The following RIMS2 variants were observed in gnomAD, a reference collection of about 807,000 sequenced individuals.
RIMS2 encodes regulating synaptic membrane exocytosis 2, also known as regulating synaptic membrane exocytosis protein 2.
Under a neutral mutation model 174.4 loss-of-function variants are expected in RIMS2, and 59 were observed. The ratio of observed to expected loss-of-function variants is 0.34; its 90% CI spans 0.27 to 0.42. The LOEUF is 0.42. Among genes scored for constraint, RIMS2 ranks in the 10% least tolerant of loss-of-function variants. RIMS2 has a pLI of 1.00. For synonymous variants in RIMS2, 606 were observed against 572.5 expected, an observed-to-expected ratio of 1.06 and a Z score of -0.84; for missense variants, 1,620 against 1,666.3, an observed-to-expected ratio of 0.97 and a Z score of 0.48.
At chr8:103,513,802 C>T (rs1827717041) in intron 1 of RIMS2, among the ~76,000 whole-genome samples, 1 of 151,978 alleles carries the variant, frequency 6.6e-6, no homozygotes, top group African/African-American at 2.4e-5. Flanking sequence ...TTATCACCAG[C>T]TATTTAAAAT....
At chr8:103,885,727 T>C (rs549651339) in exon 4 of RIMS2, 1 of 1,613,028 alleles carries the variant, frequency 6.2e-7, no homozygotes, top group Admixed American at 1.7e-5. Context: ...TGGCAAATGC[T>C]GATCTGGAAG....
intron 1 of RIMS2, among the ~76,000 whole-genome samples, chr8:103,513,549 T>C (rs547964577): frequency 6.6e-6 from 1 of 152,318 alleles, no homozygotes; most frequent in South Asian, 2.1e-4. Flanking sequence ...AACATATGAA[T>C]ATTTACAAAA....
chr8:103,600,103 C>T (rs1486943530), intron 1 of RIMS2, among the ~76,000 whole-genome samples: 3 of 151,996 alleles, frequency 2.0e-5, no homozygotes, highest in Non-Finnish European at 2.9e-5. Flanking sequence ...CAAATTTTTA[C>T]TTCCCACAAA....
At chr8:103,522,512 A>G (rs887111989) in intron 1 of RIMS2, among the ~76,000 whole-genome samples, 9 of 152,110 alleles carry the variant, frequency 5.9e-5, no homozygotes, top group Non-Finnish European at 8.8e-5. Flanking sequence ...AAGTTTGATA[A>G]CAATGAAGCC....
intron 1 of RIMS2, chr8:103,652,671 A>T: frequency 7.4e-7 from 1 of 1,350,860 alleles, no homozygotes; most frequent in Non-Finnish European, 9.8e-7. Flanking sequence ...AACGTTCTTC[A>T]GCCCCAGCAA....
chr8:104,050,830 C>T (rs1026404552), intron 19 of RIMS2, among the ~76,000 whole-genome samples: 1 of 152,080 alleles, frequency 6.6e-6, no homozygotes, highest in African/African-American at 2.4e-5. Flanking sequence ...TAACATGTAA[C>T]AATACTTAAT....
rs71297237 is a variant in RIMS2, at chr8:103,782,433, CGTGT to C, written c.698+15927_698+15930del. The stretch of plus-strand genomic sequence containing the variant: ...AAATGCTATCATGATACATAAATCC[CGTGT>C]GTGTGTGTGTGTGTGTGTGTGTGTG... On this transcript the variant is annotated intron_variant, in intron 3 of 23. Coordinates refer to ENST00000504942, the Ensembl canonical transcript of RIMS2. 3.3e-3 allele frequency among the ~76,000 whole-genome samples: 487 copies of C among 145,706 alleles called. 1 individual carries two copies. The highest frequency in any genetic ancestry group is 0.025 in the Middle Eastern group (7 of 284).
chr8:104,107,081 C>T (rs2098084741), intron 19 of RIMS2, among the ~76,000 whole-genome samples: 1 of 151,954 alleles, frequency 6.6e-6, no homozygotes, highest in African/African-American at 2.4e-5. Flanking sequence ...AAGGAAGAAA[C>T]AATTCCAGTC....
At chr8:103,651,411 A>G (rs2096450220) in intron 1 of RIMS2, among the ~76,000 whole-genome samples, 1 of 152,092 alleles carries the variant, frequency 6.6e-6, no homozygotes, top group Non-Finnish European at 1.5e-5. Flanking sequence ...GCTTTCCACA[A>G]CTGTCTACTT....
chr8:103,524,663 C>T (rs754510477), intron 1 of RIMS2, among the ~76,000 whole-genome samples: 26 of 152,172 alleles, frequency 1.7e-4, no homozygotes, highest in Non-Finnish European at 1.5e-4. Flanking sequence ...TGCTGCTTTA[C>T]AGGATGCTAT....
chr8:103,553,232 G>A (rs986718260), intron 1 of RIMS2, among the ~76,000 whole-genome samples: 3 of 152,190 alleles, frequency 2.0e-5, no homozygotes, highest in African/African-American at 2.4e-5. Flanking sequence ...TTAAGAAAAT[G>A]TGGCTCATAT....
intron 3 of RIMS2, among the ~76,000 whole-genome samples, chr8:103,838,058 C>A (rs1384507570): frequency 6.6e-6 from 1 of 151,906 alleles, no homozygotes; most frequent in Non-Finnish European, 1.5e-5. Context: ...GTGATTCTAC[C>A]GCCTCAGGCC....
At chr8:103,664,866 G>C (rs2096649060) in intron 1 of RIMS2, among the ~76,000 whole-genome samples, 1 of 152,134 alleles carries the variant, frequency 6.6e-6, no homozygotes, top group African/African-American at 2.4e-5. Flanking sequence ...GCAAAGACTT[G>C]GAACCAACCC....
chr8:103,904,154 G>C (rs1237054140), intron 4 of RIMS2, among the ~76,000 whole-genome samples: 1 of 151,938 alleles, frequency 6.6e-6, no homozygotes, highest in Non-Finnish European at 1.5e-5. Flanking sequence ...TTTATGTCTA[G>C]ATTTTTATCA....
chr8:103,552,272 G>T (rs1848333951), intron 1 of RIMS2, among the ~76,000 whole-genome samples: 1 of 152,116 alleles, frequency 6.6e-6, no homozygotes, highest in African/African-American at 2.4e-5. Context: ...CAATGGAACA[G>T]AACAGAGCCC....
chr8:103,918,418 C>CTT (rs200834695), intron 8 of RIMS2, 23 bp from the exon 12 acceptor site: 2,450 of 1,134,808 alleles, frequency 2.2e-3, no homozygotes, highest in Non-Finnish European at 2.5e-3. Flanking sequence ...TTCTGTCTTT[C>CTT]TTTTTTTTTT....
chr8:103,562,912 G>A (rs1406309321), intron 1 of RIMS2, among the ~76,000 whole-genome samples: 2 of 152,108 alleles, frequency 1.3e-5, no homozygotes, highest in Admixed American at 6.5e-5. Flanking sequence ...CAAGGCTTGG[G>A]GCTTCCACCC....
chr8:103,727,191 T>C (rs2097537003), intron 2 of RIMS2, among the ~76,000 whole-genome samples: 1 of 152,114 alleles, frequency 6.6e-6, no homozygotes, highest in African/African-American at 2.4e-5. Flanking sequence ...TAGTTGTTTC[T>C]CTTGAATTTT....
chr8:103,567,253 C>G (rs1007135349), intron 1 of RIMS2, among the ~76,000 whole-genome samples: 4 of 152,144 alleles, frequency 2.6e-5, no homozygotes, highest in African/African-American at 4.8e-5. Context: ...TCACCACTAT[C>G]CAGTTTTGGA....
Sources: gnomAD v4.1 joint callset for allele counts (sites outside exome capture counted in the v4.1 genomes callset) on GRCh38, gnomAD v4.1.1 for gene constraint, MANE v1.5 for transcripts, NCBI Gene and HGNC (gene_info 2026-07-23, HGNC 2026-07-21) for gene names.